Variants in CYP24A1 observed in about 807,000 individuals in gnomAD.
The protein encoded by CYP24A1 is cytochrome P450 family 24 subfamily A member 1.
CYP24A1 carries 68 observed loss-of-function variants against 62.4 expected under a neutral mutation model. The ratio of observed to expected loss-of-function variants is 1.09; its 90% CI spans 0.90 to 1.33. The LOEUF (loss-of-function observed/expected upper bound fraction) is 1.33. CYP24A1 is among the 40% of genes most tolerant of loss of function. The probability of loss-of-function intolerance (pLI) is 0.00; values close to 1 mark genes in which losing one functional copy is unlikely to be tolerated. For synonymous variants in CYP24A1, 267 were observed against 253.0 expected, an observed-to-expected ratio of 1.06 and a Z score of -0.52; for missense variants, 787 against 653.0, an observed-to-expected ratio of 1.21 and a Z score of -2.24.
Position 54,171,562 on chromosome 20 carries a change from C to A in CYP24A1, c.543+15G>T. The A allele has an allele frequency of 6.2e-7, 1 of 1,613,830 alleles. No homozygotes were observed. The highest frequency in any genetic ancestry group is 8.5e-7 in the Non-Finnish European group (1 of 1,179,824). On this transcript the variant is annotated intron_variant, in intron 3 of 11. Transcript: ENST00000216862. ...TCCCCACGAGCCCCAGGAAAGCTGG[C>A]CCCAGCCTGCAGACCTCATTGATTT...
chr20:54,172,804 A>T, intron 2 of CYP24A1, 105 bp downstream of exon 2: 1 of 1,586,542 alleles, frequency 6.3e-7, no homozygotes, highest in Non-Finnish European at 8.5e-7. Context: ...CTACGTAAGA[A>T]GCTTCCAACC....
intron 5 of CYP24A1, among the ~76,000 whole-genome samples, chr20:54,165,209 T>C (rs1345547228): frequency 6.6e-6 from 1 of 152,262 alleles, no homozygotes; most frequent in African/African-American, 2.4e-5. Context: ...TGTTACCACC[T>C]GAGCTCTGCC....
intron 6 of CYP24A1, among the ~76,000 whole-genome samples, chr20:54,163,860 G>A (rs1441375606): frequency 6.6e-6 from 1 of 152,152 alleles, no homozygotes; most frequent in African/African-American, 2.4e-5. Flanking sequence ...GGATGAAAAG[G>A]TGATTGCACA....
chr20:54,167,721 C>T (rs560302268), intron 4 of CYP24A1, among the ~76,000 whole-genome samples: 7 of 152,178 alleles, frequency 4.6e-5, no homozygotes, highest in Non-Finnish European at 8.8e-5. Context: ...TGCAGTGAGC[C>T]GAGATCACGC....
chr20:54,172,806 C>G, intron 2 of CYP24A1, 103 bp downstream of exon 2: 1 of 1,588,522 alleles, frequency 6.3e-7, no homozygotes, highest in Non-Finnish European at 8.5e-7. Context: ...ACGTAAGAAG[C>G]TTCCAACCCC....
At chr20:54,172,342 C>T (rs145128433) in intron 2 of CYP24A1, among the ~76,000 whole-genome samples, 5 of 152,194 alleles carry the variant, frequency 3.3e-5, no homozygotes, top group South Asian at 2.1e-4. Flanking sequence ...TTGTTAAATG[C>T]TAACAACTAA....
intron 7 of CYP24A1, among the ~76,000 whole-genome samples, chr20:54,162,293 CAT>C (rs960215062): frequency 1.7e-5 from 2 of 118,698 alleles, no homozygotes; most frequent in Non-Finnish European, 3.2e-5. Context: ...TTTGGGGTAA[CAT>C]GTGCAACTGA....
intron 4 of CYP24A1, among the ~76,000 whole-genome samples, chr20:54,168,455 C>CTTGT (rs1180567212): frequency 6.6e-6 from 1 of 152,172 alleles, no homozygotes; most frequent in Non-Finnish European, 1.5e-5. Flanking sequence ...TTCCTCCCAG[C>CTTGT]TTGTTCATCG....
chr20:54,173,934 A>G lies in CYP24A1; in HGVS notation c.-355T>C, dbSNP rs908590832. 8.2e-6 allele frequency: 3 copies of G among 367,908 alleles called. No homozygotes were observed. In the Admixed American group the frequency reaches 1.2e-4, roughly 15 times the overall value. The allele number at this position is 367,908 out of a possible 1,614,324, so 22.8% of individuals were successfully genotyped here. On this transcript the variant is annotated 5_prime_UTR_variant, in exon 1 of 12. Transcript: ENST00000216862. The surrounding 1 kb of genome is among the most constrained non-coding windows in gnomAD (Gnocchi z 7.2). ...TGGCTGGAGCCACGGGGAGGTGTCA[A>G]GGAGGGTAGATGAGATGCTGCTGGC... is the stretch of plus-strand genomic sequence containing the variant.
At chr20:54,168,899 G>C (rs2146499725) in intron 4 of CYP24A1, among the ~76,000 whole-genome samples, 1 of 95,770 alleles carries the variant, frequency 1.0e-5, no homozygotes, top group Middle Eastern at 6.3e-3. Flanking sequence ...TCCTTTCTCT[G>C]TCTCTCTCTC....
intron 4 of CYP24A1, among the ~76,000 whole-genome samples, chr20:54,166,455 A>T (rs997026038): frequency 6.6e-6 from 1 of 152,162 alleles, no homozygotes; most frequent in Admixed American, 6.5e-5. Context: ...ACTCATCAAC[A>T]TCTTGCTGCC....
intron 7 of CYP24A1, among the ~76,000 whole-genome samples, chr20:54,161,691 T>C (rs1292423420): frequency 6.6e-6 from 1 of 151,910 alleles, no homozygotes; most frequent in Non-Finnish European, 1.5e-5. Context: ...AAAAGAATAA[T>C]GGGTGACACT....
intron 6 of CYP24A1, among the ~76,000 whole-genome samples, 194 bp downstream of exon 6, chr20:54,164,256 CTT>C (rs2092662848): frequency 1.3e-5 from 2 of 152,302 alleles, no homozygotes; most frequent in South Asian, 4.1e-4. Context: ...TTTAACCACT[CTT>C]AATTCCCAAA....
chr20:54,145,312 G>A, the CYP24A1 span, among the ~76,000 whole-genome samples: 1 of 151,540 alleles, frequency 6.6e-6, no homozygotes, highest in Non-Finnish European at 1.5e-5. Flanking sequence ...TGGAATTAGT[G>A]TTGGAAATCT....
At chr20:54,172,745 C>A in intron 2 of CYP24A1, 164 bp downstream of exon 2, 2 of 1,477,898 alleles carry the variant, frequency 1.4e-6, no homozygotes, top group Non-Finnish European at 1.8e-6. Context: ...CTAATCTGTA[C>A]AAGAGCTCAG....
chr20:54,164,660 C>T (rs1319277148), intron 5 of CYP24A1, 97 bp from the exon 6 acceptor site: 2 of 1,602,208 alleles, frequency 1.2e-6, no homozygotes, highest in Non-Finnish European at 1.7e-6. Flanking sequence ...CAGCACCCTG[C>T]ACTTTTTAAA....
chr20:54,171,780 AT>A, intron 2 of CYP24A1, 110 bp from the exon 3 acceptor site: 1 of 1,595,628 alleles, frequency 6.3e-7, no homozygotes, highest in Non-Finnish European at 8.5e-7. Flanking sequence ...AACACTGAGA[AT>A]CATGCCAAGA....
chr20:54,146,787 G>C, the CYP24A1 span, among the ~76,000 whole-genome samples: 9 of 152,158 alleles, frequency 5.9e-5, no homozygotes, highest in Non-Finnish European at 8.8e-5. Context: ...ATTGGTACTT[G>C]GGAGTTGATG....
intron 10 of CYP24A1, 26 bp from the exon 11 acceptor site, chr20:54,157,315 A>G (rs1444217334): frequency 3.3e-6 from 5 of 1,495,156 alleles, no homozygotes; most frequent in Non-Finnish European, 4.7e-6. Flanking sequence ...ACACAAAAAC[A>G]GAATTACCCC....
Sources: allele counts gnomAD v4.1 joint callset (sites outside exome capture counted in the v4.1 genomes callset), GRCh38; gene constraint gnomAD v4.1.1; non-coding constraint Gnocchi (gnomAD v3.1); transcripts MANE v1.5; gene names NCBI Gene and HGNC (gene_info 2026-07-23, HGNC 2026-07-21).